The following NLGN1 variants were observed in gnomAD, a reference collection of about 807,000 sequenced individuals.
NLGN1 encodes the protein neuroligin-1.
A neutral mutation model predicts 65.5 loss-of-function variants in NLGN1; 12 were observed. That is an observed-to-expected ratio of 0.18 (90% CI 0.12 to 0.30). The LOEUF is 0.30. Ranked by LOEUF, NLGN1 falls within the 10% of genes least tolerant of loss-of-function variation. NLGN1 has a pLI of 1.00. For synonymous variants in NLGN1, 350 were observed against 359.5 expected (o/e 0.97, Z 0.30); for missense variants, 750 against 1,007.1 (o/e 0.74, Z 3.46).
chr3:174,201,890 CT>C (rs1734574598), intron 4 of NLGN1, among the ~76,000 whole-genome samples: 1 of 152,100 alleles, frequency 6.6e-6, no homozygotes, highest in Non-Finnish European at 1.5e-5. Flanking sequence ...GGTGAAGTTT[CT>C]TATTGAAGGC....
chr3:173,594,022 A>G (rs1749010092), intron 2 of NLGN1, among the ~76,000 whole-genome samples: 1 of 152,186 alleles, frequency 6.6e-6, no homozygotes, highest in Non-Finnish European at 1.5e-5. Context: ...TTATGAGAGT[A>G]CAATTCAGGA....
At chr3:173,888,672 C>T (rs553161801) in intron 4 of NLGN1, among the ~76,000 whole-genome samples, 100 of 152,080 alleles carry the variant, frequency 6.6e-4, no homozygotes, top group African/African-American at 1.9e-3. Flanking sequence ...TTTATTAATA[C>T]GAATATTTGA....
chr3:174,079,769 G>A (rs1741755612), intron 4 of NLGN1, among the ~76,000 whole-genome samples: 1 of 152,114 alleles, frequency 6.6e-6, no homozygotes, highest in African/African-American at 2.4e-5. Flanking sequence ...ATCATCTTTA[G>A]CAAACTAAAA....
intron 4 of NLGN1, among the ~76,000 whole-genome samples, chr3:174,140,677 A>C (rs924308638): frequency 4.6e-5 from 7 of 152,208 alleles, no homozygotes; most frequent in Non-Finnish European, 1.0e-4. Flanking sequence ...CTTCTGGAAC[A>C]TTAAAATTCT....
intron 3 of NLGN1, among the ~76,000 whole-genome samples, chr3:173,782,332 A>G (rs979031497): frequency 3.3e-5 from 5 of 152,194 alleles, no homozygotes; most frequent in African/African-American, 1.2e-4. Context: ...AATTGAATGC[A>G]TTAAAGGCGC....
chr3:173,702,116 G>A (rs1029181558), intron 3 of NLGN1, among the ~76,000 whole-genome samples: 2 of 149,364 alleles, frequency 1.3e-5, no homozygotes, highest in African/African-American at 4.9e-5. Flanking sequence ...GCGGGCGCCT[G>A]TAGTCCCAGC....
chr3:174,133,185 A>G (rs936215253), intron 4 of NLGN1, among the ~76,000 whole-genome samples: 3 of 152,220 alleles, frequency 2.0e-5, no homozygotes, highest in Non-Finnish European at 4.4e-5. Flanking sequence ...GGTCAGTAAC[A>G]TTACAGTGTG....
intron 2 of NLGN1, among the ~76,000 whole-genome samples, chr3:173,464,718 A>G (rs1724032206): frequency 6.6e-6 from 1 of 152,210 alleles, no homozygotes; most frequent in South Asian, 2.1e-4. Context: ...TACAGGCGTG[A>G]GCCACCGTAC....
intron 4 of NLGN1, among the ~76,000 whole-genome samples, chr3:173,983,176 A>G (rs1359547906): frequency 6.6e-6 from 1 of 152,054 alleles, no homozygotes; most frequent in Non-Finnish European, 1.5e-5. Flanking sequence ...TCACCTTCAT[A>G]TTTGAAGGGC....
At chr3:174,130,941 T>C (rs1720056480) in intron 4 of NLGN1, among the ~76,000 whole-genome samples, 1 of 151,914 alleles carries the variant, frequency 6.6e-6, no homozygotes, top group Non-Finnish European at 1.5e-5. Context: ...ACAGTGACAA[T>C]AAAAAAAATT....
chr3:174,279,490 G>C lies in NLGN1; in HGVS notation c.1489G>C (p.Val497Leu), dbSNP rs760406978. ...TTACCATCATTGCCAAACAGATCAG[G>C]TTCCAGCTTGGGCTGATGCAGCCCA... The change falls in exon 6 of 7, where the codon GTT becomes CTT. Residue 497 changes from valine to leucine, a missense_variant. Transcript: ENST00000457714. This position sits in a 1 kb window ranked among gnomAD's most constrained non-coding sequence, Gnocchi z 4.7. 6 of 1,613,032 alleles carry C rather than the reference G, an allele frequency of 3.7e-6. No homozygotes were observed. In the South Asian group the frequency reaches 4.4e-5, roughly 12 times the overall value.
intron 4 of NLGN1, among the ~76,000 whole-genome samples, chr3:173,996,581 C>T (rs1034279540): frequency 2.6e-5 from 4 of 152,188 alleles, no homozygotes; most frequent in African/African-American, 9.7e-5. Flanking sequence ...GTAACCACTG[C>T]CCTCCTGAAG....
intron 4 of NLGN1, among the ~76,000 whole-genome samples, chr3:173,905,568 C>G (rs1433958580): frequency 6.6e-6 from 1 of 152,198 alleles, no homozygotes; most frequent in East Asian, 1.9e-4. Context: ...GTGGCCCTCC[C>G]TTGAGCATAC....
At chr3:173,472,705 T>C (rs1255396681) in intron 2 of NLGN1, among the ~76,000 whole-genome samples, 1 of 152,042 alleles carries the variant, frequency 6.6e-6, no homozygotes, top group Non-Finnish European at 1.5e-5. Context: ...TAACCTGGGG[T>C]GGGAATACAT....
chr3:173,851,072 T>G (rs147082360), intron 4 of NLGN1, among the ~76,000 whole-genome samples: 2 of 152,260 alleles, frequency 1.3e-5, no homozygotes, highest in Non-Finnish European at 2.9e-5. Context: ...TTATGTATTT[T>G]ATACCATCGT....
intron 3 of NLGN1, among the ~76,000 whole-genome samples, chr3:173,703,470 T>C (rs1385594636): frequency 6.6e-6 from 1 of 150,440 alleles, no homozygotes; most frequent in Non-Finnish European, 1.5e-5. Context: ...TTATTTTAAC[T>C]TCTTCTTAAA....
intron 3 of NLGN1, among the ~76,000 whole-genome samples, chr3:173,782,183 A>G (rs1487287009): frequency 2.6e-5 from 4 of 152,058 alleles, no homozygotes; most frequent in Non-Finnish European, 5.9e-5. Flanking sequence ...CCATGTTGCT[A>G]TGGTCAATTT....
intron 4 of NLGN1, among the ~76,000 whole-genome samples, chr3:174,089,282 T>G (rs1744052689): frequency 6.6e-6 from 1 of 152,204 alleles, no homozygotes; most frequent in South Asian, 2.1e-4. Context: ...TTGGGTACTA[T>G]CTGCTTAAAA....
Position 174,006,929 on chromosome 3 carries a change from G to A in NLGN1, c.646+199097G>A, listed in dbSNP as rs1351565571. On this transcript the variant is annotated intron_variant, in intron 4 of 6. Transcript: ENST00000457714. ...CTAAAAATACAAAAATTAGCTGAGG[G>A]TGGTGGCAGGTTCCTGTAATCCCAG... Among the ~76,000 whole-genome samples, 4 of 152,178 alleles carry A rather than the reference G, an allele frequency of 2.6e-5. No homozygotes were observed. The South Asian group carries it at 6.2e-4, about 24-fold the overall frequency.
Sources: allele counts gnomAD v4.1 joint callset (sites outside exome capture counted in the v4.1 genomes callset), GRCh38; gene constraint gnomAD v4.1.1; non-coding constraint Gnocchi (gnomAD v3.1); transcripts MANE v1.5; gene names NCBI Gene and HGNC (gene_info 2026-07-23, HGNC 2026-07-21).